Variants in TRPC3 observed in about 807,000 individuals in gnomAD.
The protein encoded by TRPC3 is transient receptor potential cation channel subfamily C member 3, also known as short transient receptor potential channel 3.
In TRPC3, 54 loss-of-function variants were observed where a neutral mutation model predicts 90.9. The ratio of observed to expected loss-of-function variants is 0.59; its 90% CI spans 0.48 to 0.75. The LOEUF (loss-of-function observed/expected upper bound fraction) is 0.75. Ranked by LOEUF, TRPC3 falls within the 30% of genes least tolerant of loss-of-function variation. The probability of loss-of-function intolerance (pLI) is 0.00; values close to 1 mark genes in which losing one functional copy is unlikely to be tolerated. For missense variants in TRPC3, 918 were observed against 1,194.5 expected (o/e 0.77, Z 3.41); for synonymous variants, 424 against 450.9 (o/e 0.94, Z 0.75).
At position 121,890,935 on chromosome 4, in the gene TRPC3, G is replaced by A. The variant is rs558887836; in HGVS notation, c.2548-8506C>T. Reference sequence around the variant, plus strand: ...GAACCTGGGAGGTGGAGATTGCAGTGAGCCGAGATCACGCCACTGCACTCC... The same window carrying A: ...GAACCTGGGAGGTGGAGATTGCAGTAAGCCGAGATCACGCCACTGCACTCC... On this transcript the variant is annotated intron_variant, in intron 10 of 11. Transcript: ENST00000379645. Among the ~76,000 whole-genome samples the A allele has an allele frequency of 7.9e-5, 12 of 152,088 alleles. No homozygotes were observed. The East Asian group carries it at 2.1e-3, about 27-fold the overall frequency.
chr4:121,907,060 T>C (rs1728905714), intron 7 of TRPC3, among the ~76,000 whole-genome samples: 1 of 152,118 alleles, frequency 6.6e-6, no homozygotes, highest in African/African-American at 2.4e-5. Flanking sequence ...CCTGTTTTCT[T>C]AAAATAGCCA....
chr4:121,906,739 G>A (rs1021985299), intron 7 of TRPC3, among the ~76,000 whole-genome samples: 3 of 152,020 alleles, frequency 2.0e-5, no homozygotes, highest in Non-Finnish European at 4.4e-5. Flanking sequence ...CAATCTGGGT[G>A]TCTCCATGCT....
chr4:121,888,973 G>A (rs1476660734), intron 10 of TRPC3, among the ~76,000 whole-genome samples: 1 of 152,128 alleles, frequency 6.6e-6, no homozygotes, highest in African/African-American at 2.4e-5. Context: ...AGAGTGAGAA[G>A]ACAGTTGTCT....
chr4:121,943,557 A>G (rs1355146165), intron 1 of TRPC3, among the ~76,000 whole-genome samples: 2 of 152,124 alleles, frequency 1.3e-5, no homozygotes, highest in African/African-American at 4.8e-5. Flanking sequence ...TTTTAAAACT[A>G]ATTTTTATTA....
At chr4:121,921,802 T>C (rs559673751) in intron 3 of TRPC3, among the ~76,000 whole-genome samples, 3 of 151,826 alleles carry the variant, frequency 2.0e-5, no homozygotes, top group East Asian at 3.9e-4. Flanking sequence ...AGAAATGAGA[T>C]GGTGGGAAAA....
At chr4:121,921,282 G>A (rs1401872820) in intron 3 of TRPC3, among the ~76,000 whole-genome samples, 1 of 151,944 alleles carries the variant, frequency 6.6e-6, no homozygotes, top group Non-Finnish European at 1.5e-5. Context: ...CAGCACTTTG[G>A]GAGGCCGAGG....
chr4:121,906,026 A>C (rs900721893), intron 7 of TRPC3, among the ~76,000 whole-genome samples: 7 of 151,964 alleles, frequency 4.6e-5, no homozygotes, highest in African/African-American at 1.7e-4. Context: ...ATCTATATGG[A>C]GTGCATGTGT....
rs1730711742 is a variant in TRPC3, at chr4:121,951,033, G to A, written c.215+433C>T. Among the ~76,000 whole-genome samples the A allele has an allele frequency of 6.6e-6, 1 of 152,170 alleles. No individual in the cohort carries two copies. The highest frequency in any genetic ancestry group is 1.5e-5 in the Non-Finnish European group (1 of 68,032). On this transcript the variant is annotated intron_variant, in intron 1 of 11. Coordinates refer to ENST00000379645, the MANE Select transcript of TRPC3 (RefSeq NM_001130698.2). The surrounding 1 kb of genome is among the most constrained non-coding windows in gnomAD (Gnocchi z 4.4). ...AGTTCAGGGTTCAAGTGCGCGCCTG[G>A]GTCTGTGCACATCTTCCCCTTCCTC...
chr4:121,932,193 C>T lies in TRPC3; in HGVS notation c.987+78G>A, dbSNP rs1038328282. ...TGGGCAAAACCGAATGTGGAGCGAA[C>T]GGTGGCAGAGCAGGCCAGGCAGCAG... On this transcript the variant is annotated intron_variant, in intron 2 of 11. Coordinates refer to ENST00000379645, the MANE Select transcript of TRPC3 (RefSeq NM_001130698.2). The surrounding 1 kb of genome is among the most constrained non-coding windows in gnomAD (Gnocchi z 7.7). 5 of 1,557,582 alleles carry T rather than the reference C, an allele frequency of 3.2e-6. No individual in the cohort carries two copies. The East Asian group carries it at 1.1e-4, about 35-fold the overall frequency.
Sources: allele counts gnomAD v4.1 joint callset (sites outside exome capture counted in the v4.1 genomes callset), GRCh38; gene constraint gnomAD v4.1.1; non-coding constraint Gnocchi (gnomAD v3.1); transcripts MANE v1.5; gene names NCBI Gene and HGNC (gene_info 2026-07-23, HGNC 2026-07-21).